Variants in NME8 observed in about 807,000 individuals in gnomAD.
NME8 encodes the protein NME/NM23 family member 8.
NME8 carries 72 observed loss-of-function variants against 82.3 expected under a neutral mutation model. That is an observed-to-expected ratio of 0.87 (90% CI 0.72 to 1.06). NME8 has a LOEUF of 1.06. Ranked by LOEUF, NME8 falls within the 50% of genes least tolerant of loss-of-function variation. The probability of loss-of-function intolerance (pLI) is 0.00; values close to 1 mark genes in which losing one functional copy is unlikely to be tolerated. For synonymous variants in NME8, 267 were observed against 228.5 expected, an observed-to-expected ratio of 1.17 and a Z score of -1.52; for missense variants, 712 against 685.4, an observed-to-expected ratio of 1.04 and a Z score of -0.43.
intron 12 of NME8, among the ~76,000 whole-genome samples, chr7:37,882,756 A>G (rs890416220): frequency 7.9e-5 from 12 of 152,192 alleles, no homozygotes; most frequent in African/African-American, 2.4e-4. Flanking sequence ...CAATTGCTAG[A>G]CACCTTTATC....
At chr7:37,879,373 C>T (rs755367200) in intron 12 of NME8, among the ~76,000 whole-genome samples, 1 of 152,102 alleles carries the variant, frequency 6.6e-6, no homozygotes, top group Non-Finnish European at 1.5e-5. Context: ...TCTAAAACTC[C>T]TGACCTCAAG....
chr7:37,885,005 A>G (rs1785018830), intron 13 of NME8, 140 bp from the exon 14 acceptor site: 1 of 659,598 alleles, frequency 1.5e-6, no homozygotes, highest in Non-Finnish European at 2.7e-6. Flanking sequence ...ACGGAAAAAA[A>G]TCACAGACCT....
intron 12 of NME8, 77 bp downstream of exon 12, chr7:37,877,084 A>G (rs899354379): frequency 4.1e-6 from 5 of 1,224,172 alleles, no homozygotes; most frequent in Non-Finnish European, 5.9e-6. Context: ...ATTGCATTTA[A>G]AGACATTGTT....
At chr7:37,862,987 G>A (rs1784620012) in intron 7 of NME8, among the ~76,000 whole-genome samples, 1 of 152,064 alleles carries the variant, frequency 6.6e-6, no homozygotes, top group Non-Finnish European at 1.5e-5. Flanking sequence ...GGGCATGGTG[G>A]CAGGTGCCTG....
At chr7:37,882,028 G>A (rs1376252) in intron 12 of NME8, among the ~76,000 whole-genome samples, 71,172 of 152,034 alleles carry the variant, frequency 0.47, 17,082 homozygotes, top group East Asian at 0.74. Context: ...GTTGTTGGTG[G>A]TTGTGGCTTG....
At chr7:37,883,709 C>T (rs1369140026) in intron 12 of NME8, among the ~76,000 whole-genome samples, 1 of 152,144 alleles carries the variant, frequency 6.6e-6, no homozygotes, top group African/African-American at 2.4e-5. Context: ...AGTGTATTTC[C>T]TATAAATATC....
At chr7:37,871,875 G>C (rs1216113360) in intron 11 of NME8, among the ~76,000 whole-genome samples, 2 of 151,830 alleles carry the variant, frequency 1.3e-5, no homozygotes, top group Non-Finnish European at 2.9e-5. Context: ...ATCCTTAAAA[G>C]TATTTCCGGG....
intron 11 of NME8, among the ~76,000 whole-genome samples, chr7:37,872,806 T>C (rs979187123): frequency 9.9e-5 from 15 of 152,214 alleles, no homozygotes; most frequent in Non-Finnish European, 1.0e-4. Flanking sequence ...GGAATTTTTT[T>C]CCCAGAATAA....
chr7:37,856,875 A>T (rs1358710830), intron 5 of NME8, among the ~76,000 whole-genome samples: 1 of 152,170 alleles, frequency 6.6e-6, no homozygotes, highest in Non-Finnish European at 1.5e-5. Flanking sequence ...TGCCTGTAGT[A>T]GAATATTGAA....
chr7:37,862,658 T>A (rs1053121286), intron 7 of NME8, among the ~76,000 whole-genome samples: 4 of 149,966 alleles, frequency 2.7e-5, no homozygotes, highest in African/African-American at 9.8e-5. Flanking sequence ...TTTTTTTTAG[T>A]TAAGGAAATA....
chr7:37,894,480 A>C lies in NME8; in HGVS notation c.1414A>C (p.Ile472Leu). 1 of 1,613,006 alleles carries C rather than the reference A, an allele frequency of 6.2e-7. No homozygotes were observed. Among genetic ancestry groups the C allele is most frequent in the Admixed American group, 1.7e-5 (1 of 59,932 alleles). The change falls in exon 16 of 18, where the codon ATA becomes CTA. Residue 472 changes from isoleucine (I) to leucine (L), a missense_variant. By Grantham distance (5) the Ile-to-Leu change is conservative. Coordinates refer to ENST00000199447, the MANE Select transcript of NME8 (RefSeq NM_016616.5). The part of the protein sequence containing the change: ...TSEQREQILK[I>L]VKEAGFDLTQ... The stretch of plus-strand genomic sequence containing the variant: ...GTTTTTCTTAGAGCAGATCCTGAAG[A>C]TAGTTAAGGAGGCTGGATTTGATCT...
chr7:37,897,134 A>G, intron 17 of NME8, 27 bp downstream of exon 17: 1 of 1,398,188 alleles, frequency 7.2e-7, no homozygotes, highest in Non-Finnish European at 1.0e-6. Flanking sequence ...TTATTATTTT[A>G]TTTTATTTGC....
intron 5 of NME8, among the ~76,000 whole-genome samples, chr7:37,855,450 C>T (rs1434063831): frequency 6.6e-6 from 1 of 152,126 alleles, no homozygotes; most frequent in East Asian, 1.9e-4. Context: ...ATCTCTTCTT[C>T]CTTAAGTCTT....
chr7:37,894,865 C>G (rs2131975737), intron 16 of NME8, among the ~76,000 whole-genome samples: 1 of 149,510 alleles, frequency 6.7e-6, no homozygotes, highest in South Asian at 2.2e-4. Flanking sequence ...TCTCCCTTTC[C>G]TTCCCTTCCC....
chr7:37,890,335 T>C (rs564306997), intron 15 of NME8, among the ~76,000 whole-genome samples: 14 of 152,088 alleles, frequency 9.2e-5, no homozygotes, highest in Non-Finnish European at 2.1e-4. Flanking sequence ...TAATTGTCCA[T>C]ATTCATGGGG....
At chr7:37,884,269 G>GTC in intron 12 of NME8, 34 bp from the exon 13 acceptor site, 1 of 1,411,788 alleles carries the variant, frequency 7.1e-7, no homozygotes, top group Non-Finnish European at 1.0e-6. Flanking sequence ...TAATCTACCA[G>GTC]TTTAAAACTT....
chr7:37,879,352 G>T (rs1234879961), intron 12 of NME8, among the ~76,000 whole-genome samples: 1 of 151,930 alleles, frequency 6.6e-6, no homozygotes, highest in African/African-American at 2.4e-5. Context: ...TCCCCATGTT[G>T]GCCAGGGTAG....
At chr7:37,856,435 G>C (rs1442286984) in intron 5 of NME8, among the ~76,000 whole-genome samples, 1 of 152,096 alleles carries the variant, frequency 6.6e-6, no homozygotes, top group African/African-American at 2.4e-5. Flanking sequence ...GAGACTTCCA[G>C]CCTCCAGAAC....
At chr7:37,886,025 T>C (rs1476153644) in intron 14 of NME8, among the ~76,000 whole-genome samples, 1 of 152,174 alleles carries the variant, frequency 6.6e-6, no homozygotes. Flanking sequence ...ATAACAATAG[T>C]TATGAAGCCT....
Sources: gnomAD v4.1 joint callset for allele counts (sites outside exome capture counted in the v4.1 genomes callset) on GRCh38, gnomAD v4.1.1 for gene constraint, MANE v1.5 for transcripts, NCBI Gene and HGNC (gene_info 2026-07-23, HGNC 2026-07-21) for gene names.